The following KLC1 variants were observed in gnomAD, a reference collection of about 807,000 sequenced individuals.
The protein encoded by KLC1 is kinesin 2 60/70kDa.
A neutral mutation model predicts 84.2 loss-of-function variants in KLC1; 30 were observed. That is an observed-to-expected ratio of 0.36 (90% CI 0.27 to 0.48). The LOEUF (loss-of-function observed/expected upper bound fraction) is 0.48, where lower values mean the gene tolerates loss of function less well. KLC1 is among the 20% of genes least tolerant of loss of function. KLC1 has a pLI of 0.99. For synonymous variants in KLC1, 289 were observed against 293.3 expected, an observed-to-expected ratio of 0.99 and a Z score of 0.15; for missense variants, 499 against 805.4, an observed-to-expected ratio of 0.62 and a Z score of 4.60.
rs141690724 is a variant in KLC1, at chr14:103,659,245, G to A, written c.492+1469G>A. Among the ~76,000 whole-genome samples, 723 of 152,286 alleles carry A rather than the reference G, an allele frequency of 4.7e-3. 1 individual carries two copies. The highest frequency in any genetic ancestry group is 0.017 in the African/African-American group (686 of 41,552). ...CTCCCAAAGTGCTGGGATTACAGGC[G>A]TGAGCCACCACGACCGGCTTCAGTT... On this transcript the variant is annotated intron_variant, in intron 3 of 16. Transcript: ENST00000334553.
At chr14:103,674,471 A>G (rs10147588) in intron 9 of KLC1, among the ~76,000 whole-genome samples, 4,609 of 151,606 alleles carry the variant, frequency 0.03, 236 homozygotes, top group African/African-American at 0.11. Flanking sequence ...CTGGAGTGCA[A>G]TGATGTGATC....
intron 13 of KLC1, chr14:103,685,280 C>G: frequency 4.4e-6 from 6 of 1,356,386 alleles, no homozygotes; most frequent in Non-Finnish European, 5.7e-6. Context: ...TTATTTTGGT[C>G]CCTATGTTTT....
At chr14:103,656,368 A>G (rs2078842892) in intron 2 of KLC1, among the ~76,000 whole-genome samples, 1 of 152,218 alleles carries the variant, frequency 6.6e-6, no homozygotes, top group Non-Finnish European at 1.5e-5. Flanking sequence ...TGTTTCTATA[A>G]TATCATGCTT....
intron 1 of KLC1, among the ~76,000 whole-genome samples, chr14:103,631,069 C>T (rs953681651): frequency 3.3e-5 from 5 of 151,806 alleles, no homozygotes; most frequent in African/African-American, 2.4e-5. Flanking sequence ...TAACTGCAGT[C>T]GTTTAAACTT....
intron 12 of KLC1, among the ~76,000 whole-genome samples, chr14:103,679,055 T>C (rs924509743): frequency 6.6e-6 from 1 of 152,134 alleles, no homozygotes; most frequent in African/African-American, 2.4e-5. Flanking sequence ...GGTTCAGGCA[T>C]TGGAGAAGTT....
chr14:103,654,387 G>A (rs934726634), intron 1 of KLC1, among the ~76,000 whole-genome samples, 177 bp from the exon 2 acceptor site: 1 of 152,204 alleles, frequency 6.6e-6, no homozygotes, highest in Admixed American at 6.5e-5. Context: ...AATTAAATGT[G>A]TCTGCAAAGG....
chr14:103,656,432 A>G (rs940967381), intron 2 of KLC1, among the ~76,000 whole-genome samples: 5 of 152,252 alleles, frequency 3.3e-5, no homozygotes, highest in Non-Finnish European at 7.3e-5. Context: ...CTCTCTCCTG[A>G]TAACTTCTGG....
chr14:103,636,528 CT>C (rs2077056275), intron 1 of KLC1, among the ~76,000 whole-genome samples: 1 of 151,796 alleles, frequency 6.6e-6, no homozygotes. Flanking sequence ...CCTTGCCTGT[CT>C]TTTTCATCTG....
At chr14:103,635,365 C>T (rs1032880147) in intron 1 of KLC1, among the ~76,000 whole-genome samples, 2 of 152,158 alleles carry the variant, frequency 1.3e-5, no homozygotes, top group Non-Finnish European at 2.9e-5. Flanking sequence ...TCATATGTGT[C>T]TGTAGTTTCA....
intron 11 of KLC1, among the ~76,000 whole-genome samples, chr14:103,676,813 C>T (rs540231887): frequency 1.6e-4 from 25 of 152,278 alleles, no homozygotes; most frequent in African/African-American, 6.0e-4. Context: ...TAAGTCTGCT[C>T]TATCAAGAAT....
At chr14:103,632,486 T>C (rs1595190486) in intron 1 of KLC1, among the ~76,000 whole-genome samples, 1 of 151,092 alleles carries the variant, frequency 6.6e-6, no homozygotes, top group East Asian at 2.0e-4. Flanking sequence ...GAGGCCAAGA[T>C]GGACCGATCA....
chr14:103,658,892 T>C (rs2079044252), intron 3 of KLC1, among the ~76,000 whole-genome samples: 1 of 151,532 alleles, frequency 6.6e-6, no homozygotes, highest in Non-Finnish European at 1.5e-5. Context: ...CTCCTGACCT[T>C]GTGATCTGCC....
At chr14:103,672,741 G>A (rs910170667) in intron 7 of KLC1, among the ~76,000 whole-genome samples, 2 of 152,094 alleles carry the variant, frequency 1.3e-5, no homozygotes, top group Non-Finnish European at 2.9e-5. Context: ...TACAACCAAT[G>A]TACAAAAATA....
chr14:103,700,205 C>T, intron 15 of KLC1: 1 of 195,488 alleles, frequency 5.1e-6, no homozygotes, highest in South Asian at 9.8e-5. Flanking sequence ...AGGCCAGTGC[C>T]TCCCGTGCAT....
intron 13 of KLC1, among the ~76,000 whole-genome samples, chr14:103,681,215 G>A (rs976460953): frequency 1.1e-4 from 16 of 152,270 alleles, no homozygotes; most frequent in African/African-American, 2.9e-4. Flanking sequence ...CGTTGGCCAC[G>A]GGTGATCTAC....
intron 14 of KLC1, among the ~76,000 whole-genome samples, chr14:103,689,410 C>T (rs931908147): frequency 1.3e-5 from 2 of 152,222 alleles, no homozygotes; most frequent in Admixed American, 6.5e-5. Context: ...CCAGCCTGAA[C>T]CATGTGACAT....
intron 15 of KLC1, chr14:103,699,096 C>T (rs1350458253): frequency 6.4e-7 from 1 of 1,567,304 alleles, no homozygotes; most frequent in South Asian, 1.2e-5. Flanking sequence ...CCCCTGGCAC[C>T]TGCACAGAGG....
intron 1 of KLC1, among the ~76,000 whole-genome samples, chr14:103,641,034 C>A (rs757723021): frequency 6.6e-6 from 1 of 152,032 alleles, no homozygotes; most frequent in Non-Finnish European, 1.5e-5. Context: ...CAGCAATTCT[C>A]CTGCCTCAGC....
chr14:103,658,615 TCA>T (rs1385742062), intron 3 of KLC1, among the ~76,000 whole-genome samples: 1 of 150,874 alleles, frequency 6.6e-6, no homozygotes, highest in African/African-American at 2.4e-5. Flanking sequence ...TATCCTAGTC[TCA>T]GTTATTTTTC....
Sources: gnomAD v4.1 joint callset for allele counts (sites outside exome capture counted in the v4.1 genomes callset) on GRCh38, gnomAD v4.1.1 for gene constraint, MANE v1.5 for transcripts, NCBI Gene and HGNC (gene_info 2026-07-23, HGNC 2026-07-21) for gene names.